The following TTC6 variants were observed in gnomAD, a reference collection of about 807,000 sequenced individuals.
The protein encoded by TTC6 is tetratricopeptide repeat protein 6.
In TTC6, 172 loss-of-function variants were observed where a neutral mutation model predicts 210.4. The ratio of observed to expected loss-of-function variants is 0.82; its 90% CI spans 0.72 to 0.93. The LOEUF is 0.93. Ranked by LOEUF, TTC6 falls within the 40% of genes least tolerant of loss-of-function variation. The pLI, the probability that TTC6 is intolerant of heterozygous loss-of-function variation, is 0.00. For missense variants in TTC6, 2,414 were observed against 2,318.1 expected, an observed-to-expected ratio of 1.04 and a Z score of -0.85; for synonymous variants, 804 against 819.6, an observed-to-expected ratio of 0.98 and a Z score of 0.32.
At chr14:37,630,820 T>G (rs2095668020) in intron 1 of TTC6, among the ~76,000 whole-genome samples, 1 of 151,738 alleles carries the variant, frequency 6.6e-6, no homozygotes, top group Non-Finnish European at 1.5e-5. Flanking sequence ...CATTGATCCC[T>G]TTACCATTAT....
At chr14:37,811,865 C>T (rs1195513443) in intron 24 of TTC6, among the ~76,000 whole-genome samples, 1 of 152,114 alleles carries the variant, frequency 6.6e-6, no homozygotes, top group Non-Finnish European at 1.5e-5. Context: ...TATGTGCAGG[C>T]TTGATTCTTG....
At chr14:37,787,693 A>C in intron 15 of TTC6, 56 bp downstream of exon 17, 6 of 1,336,808 alleles carry the variant, frequency 4.5e-6, no homozygotes, top group Non-Finnish European at 5.8e-6. Context: ...TCAACAGCTC[A>C]GTTTCATAGT....
At chr14:37,799,990 C>T (rs2096102396) in intron 20 of TTC6, among the ~76,000 whole-genome samples, 1 of 152,090 alleles carries the variant, frequency 6.6e-6, no homozygotes, top group African/African-American at 2.4e-5. Context: ...TGTTTTAAAG[C>T]ATTAAGTTTG....
chr14:37,797,738 G>C (rs1041875806), intron 20 of TTC6, among the ~76,000 whole-genome samples: 1 of 151,290 alleles, frequency 6.6e-6, no homozygotes, highest in Non-Finnish European at 1.5e-5. Context: ...TCTACTCCAA[G>C]GTCAAGATAT....
intron 1 of TTC6, among the ~76,000 whole-genome samples, chr14:37,654,628 A>G (rs2095718681): frequency 6.6e-6 from 1 of 152,184 alleles, no homozygotes; most frequent in African/African-American, 2.4e-5. Context: ...GAAAGGACTA[A>G]TACAATGCTT....
chr14:37,663,072 A>G (rs911651157), intron 1 of TTC6, among the ~76,000 whole-genome samples: 3 of 151,944 alleles, frequency 2.0e-5, no homozygotes, highest in African/African-American at 7.3e-5. Flanking sequence ...TCTTTGAGCA[A>G]TGTTTTGTAA....
intron 14 of TTC6, among the ~76,000 whole-genome samples, chr14:37,783,208 C>G (rs1349002373): frequency 1.3e-5 from 2 of 152,072 alleles, no homozygotes; most frequent in African/African-American, 2.4e-5. Flanking sequence ...GGAAGGGTAC[C>G]AGCTCCTTTT....
At chr14:37,739,284 G>T in intron 10 of TTC6, 129 bp downstream of exon 12, 1 of 998,712 alleles carries the variant, frequency 1.0e-6, no homozygotes, top group Non-Finnish European at 1.4e-6. Context: ...CTCTTTGAAA[G>T]ACAAACCTCT....
chr14:37,799,661 T>A (rs548390904), intron 20 of TTC6, among the ~76,000 whole-genome samples: 3 of 152,224 alleles, frequency 2.0e-5, no homozygotes, highest in Admixed American at 6.6e-5. Flanking sequence ...GAACTGCTTG[T>A]GGAGAGGGTA....
At chr14:37,745,063 TAC>T (rs2095931926) in intron 10 of TTC6, among the ~76,000 whole-genome samples, 1 of 152,018 alleles carries the variant, frequency 6.6e-6, no homozygotes, top group Non-Finnish European at 1.5e-5. Flanking sequence ...TACGTACATA[TAC>T]ATATGTGTGT....
At chr14:37,791,091 A>G (rs1244361703) in intron 16 of TTC6, among the ~76,000 whole-genome samples, 5 of 152,186 alleles carry the variant, frequency 3.3e-5, no homozygotes, top group Non-Finnish European at 5.9e-5. Flanking sequence ...AGTTAAATCT[A>G]TGGATAAGGA....
chr14:37,738,964 C>A, exon 10 of TTC6: 1 of 1,535,370 alleles, frequency 6.5e-7, no homozygotes, highest in Non-Finnish European at 8.7e-7. Flanking sequence ...TAGATGACAT[C>A]TTTGATAACA....
chr14:37,718,502 C>G (rs1269635085), intron 6 of TTC6, among the ~76,000 whole-genome samples: 2 of 152,068 alleles, frequency 1.3e-5, no homozygotes, highest in Non-Finnish European at 2.9e-5. Context: ...CCACACCACT[C>G]TTATTCAACA....
At chr14:37,821,961 A>C (rs2096158548) in intron 26 of TTC6, among the ~76,000 whole-genome samples, 1 of 151,598 alleles carries the variant, frequency 6.6e-6, no homozygotes, top group African/African-American at 2.4e-5. Flanking sequence ...TTGTATTTTC[A>C]GTAGAGACGG....
At chr14:37,647,502 G>GT (rs2095703712) in intron 1 of TTC6, among the ~76,000 whole-genome samples, 1 of 152,174 alleles carries the variant, frequency 6.6e-6, no homozygotes, top group Non-Finnish European at 1.5e-5. Flanking sequence ...TGACTTTATG[G>GT]TTTATGGTGT....
At chr14:37,776,870 C>G (rs947762867) in intron 14 of TTC6, among the ~76,000 whole-genome samples, 1 of 152,028 alleles carries the variant, frequency 6.6e-6, no homozygotes, top group Non-Finnish European at 1.5e-5. Flanking sequence ...TAACTCTAGC[C>G]TGGGCGCAAG....
At chr14:37,617,638 T>C (rs541323368), upstream of TTC6, among the ~76,000 whole-genome samples, 4 of 152,344 alleles carry the variant, frequency 2.6e-5, no homozygotes, top group East Asian at 1.9e-4. Flanking sequence ...TTGAGGCTTT[T>C]TTTTGGTAAA....
chr14:37,781,604 T>C (rs1014222245), intron 14 of TTC6, among the ~76,000 whole-genome samples: 1 of 152,198 alleles, frequency 6.6e-6, no homozygotes, highest in Non-Finnish European at 1.5e-5. Flanking sequence ...GTAGTTTCTT[T>C]TGCGGTGCAG....
intron 17 of TTC6, among the ~76,000 whole-genome samples, chr14:37,794,248 G>T (rs754661830): frequency 3.3e-5 from 5 of 152,178 alleles, no homozygotes; most frequent in African/African-American, 4.8e-5. Flanking sequence ...AAGTTCCACA[G>T]AAATTTTCCA....
Sources: allele counts gnomAD v4.1 joint callset (sites outside exome capture counted in the v4.1 genomes callset), GRCh38; gene constraint gnomAD v4.1.1; transcripts MANE v1.5; gene names NCBI Gene and HGNC (gene_info 2026-07-23, HGNC 2026-07-21).